The following RGS7 variants were observed in gnomAD, a reference collection of about 807,000 sequenced individuals.
RGS7 encodes regulator of G-protein signaling 7.
A neutral mutation model predicts 81.1 loss-of-function variants in RGS7; 27 were observed. That is an observed-to-expected ratio of 0.33 (90% CI 0.25 to 0.46). The LOEUF (loss-of-function observed/expected upper bound fraction) is 0.46, where lower values mean the gene tolerates loss of function less well. Among genes scored for constraint, RGS7 ranks in the 20% least tolerant of loss-of-function variants. The pLI, the probability that RGS7 is intolerant of heterozygous loss-of-function variation, is 1.00. For synonymous variants in RGS7, 208 were observed against 207.7 expected, an observed-to-expected ratio of 1.00 and a Z score of -0.01; for missense variants, 396 against 607.4, an observed-to-expected ratio of 0.65 and a Z score of 3.66.
intron 2 of RGS7, among the ~76,000 whole-genome samples, chr1:241,148,051 C>CTTTTTTTT (rs58632066): frequency 4.1e-4 from 45 of 108,504 alleles, no homozygotes; most frequent in Non-Finnish European, 5.5e-4. Flanking sequence ...TTTTCTTTTT[C>CTTTTTTTT]TTTTTTTTTT....
In RGS7 at chr1:240,935,068, G is replaced by T. The variant is rs1430497984; in HGVS notation, c.333+1532C>A. Among the ~76,000 whole-genome samples the T allele has an allele frequency of 6.2e-5, 9 of 145,754 alleles. No individual in the cohort carries two copies. In the South Asian group the frequency reaches 8.7e-4, roughly 14 times the overall value. On this transcript the variant is annotated intron_variant, in intron 5 of 18. Coordinates refer to ENST00000440928, the MANE Select transcript of RGS7 (RefSeq NM_001364886.1). ...AACACCCAGCTAATTTTTTTTGTTT[G>T]TTTTTTTTTTAGTAGAGATGAGGTT...
At chr1:240,880,764 G>C (rs1226308503) in intron 6 of RGS7, among the ~76,000 whole-genome samples, 2 of 152,280 alleles carry the variant, frequency 1.3e-5, no homozygotes, top group East Asian at 3.9e-4. Context: ...TCTCGAGAAA[G>C]TCTGACACCA....
chr1:240,893,239 C>G (rs1267786103), intron 6 of RGS7, among the ~76,000 whole-genome samples: 1 of 152,154 alleles, frequency 6.6e-6, no homozygotes, highest in East Asian at 1.9e-4. Context: ...AGAGTGTTAA[C>G]ATAGCCATAA....
intron 2 of RGS7, among the ~76,000 whole-genome samples, chr1:241,313,294 G>T (rs2080663811): frequency 6.6e-6 from 1 of 152,242 alleles, no homozygotes; most frequent in Admixed American, 6.5e-5. Context: ...GTTGGAAAAA[G>T]ATGCCATTTA....
chr1:240,960,232 T>TTTTTG (rs71172665), intron 4 of RGS7, among the ~76,000 whole-genome samples: 33 of 70,230 alleles, frequency 4.7e-4, no homozygotes, highest in African/African-American at 1.3e-3. Flanking sequence ...TTTTTTTTTT[T>TTTTTG]TTGTTGTTGT....
At chr1:241,186,211 GACTC>G (rs987319515) in intron 2 of RGS7, among the ~76,000 whole-genome samples, 2 of 152,012 alleles carry the variant, frequency 1.3e-5, no homozygotes, top group Admixed American at 1.3e-4. Flanking sequence ...ACCACACTCT[GACTC>G]ACTCAAAAAC....
At chr1:240,854,956 C>T (rs1412075633) in intron 9 of RGS7, among the ~76,000 whole-genome samples, 1 of 152,096 alleles carries the variant, frequency 6.6e-6, no homozygotes, top group Admixed American at 6.6e-5. Context: ...AGAAGCATGC[C>T]TACCTTCATC....
At chr1:241,069,723 T>G (rs2062314427) in intron 3 of RGS7, among the ~76,000 whole-genome samples, 1 of 152,160 alleles carries the variant, frequency 6.6e-6, no homozygotes, top group South Asian at 2.1e-4. Context: ...CCCTAGTCCT[T>G]CACTGACATA....
chr1:241,233,283 T>C (rs894448068), intron 2 of RGS7, among the ~76,000 whole-genome samples: 2 of 152,230 alleles, frequency 1.3e-5, no homozygotes, highest in African/African-American at 2.4e-5. Flanking sequence ...AATCAGCTAA[T>C]ATTAACTCTA....
At chr1:240,851,084 G>A (rs751288130) in intron 9 of RGS7, among the ~76,000 whole-genome samples, 29 of 152,170 alleles carry the variant, frequency 1.9e-4, no homozygotes, top group Non-Finnish European at 3.4e-4. Context: ...GTAGACAAAA[G>A]AGCTTTCTAC....
At chr1:241,239,202 C>T (rs947525505) in intron 2 of RGS7, among the ~76,000 whole-genome samples, 4 of 151,738 alleles carry the variant, frequency 2.6e-5, no homozygotes, top group Admixed American at 2.6e-4. Context: ...CTCCGGACCT[C>T]GTGACCTGCC....
At chr1:241,016,508 C>T (rs1343540252) in intron 3 of RGS7, among the ~76,000 whole-genome samples, 4 of 151,698 alleles carry the variant, frequency 2.6e-5, no homozygotes, top group Non-Finnish European at 5.9e-5. Context: ...AAGAGTGAGA[C>T]TCAATCTCAA....
At chr1:240,967,120 G>A (rs530638650) in intron 4 of RGS7, among the ~76,000 whole-genome samples, 1 of 152,288 alleles carries the variant, frequency 6.6e-6, no homozygotes, top group Admixed American at 6.5e-5. Context: ...GGTGGTGTTT[G>A]TCATGTCAAG....
chr1:240,964,172 G>A (rs1344990123), intron 4 of RGS7, among the ~76,000 whole-genome samples: 1 of 152,226 alleles, frequency 6.6e-6, no homozygotes, highest in Non-Finnish European at 1.5e-5. Context: ...TAAAACATTA[G>A]AGACATTTCC....
chr1:240,952,154 A>AAAT (rs1371536596), intron 4 of RGS7, among the ~76,000 whole-genome samples: 1 of 152,164 alleles, frequency 6.6e-6, no homozygotes, highest in Non-Finnish European at 1.5e-5. Context: ...CACAGAGAAC[A>AAAT]AATAATAATA....
At chr1:241,017,076 T>G (rs2059288863) in intron 3 of RGS7, among the ~76,000 whole-genome samples, 2 of 152,340 alleles carry the variant, frequency 1.3e-5, no homozygotes, top group South Asian at 4.1e-4. Flanking sequence ...AACTCTGTAC[T>G]CGTTTATTAC....
chr1:241,262,469 T>C (rs1452963416), intron 2 of RGS7, among the ~76,000 whole-genome samples: 6 of 152,196 alleles, frequency 3.9e-5, no homozygotes, highest in Admixed American at 3.9e-4. Flanking sequence ...ACAATCTCAA[T>C]AAGCCTCATG....
At chr1:240,909,500 C>T (rs889066413) in intron 6 of RGS7, among the ~76,000 whole-genome samples, 2 of 152,056 alleles carry the variant, frequency 1.3e-5, no homozygotes, top group African/African-American at 4.8e-5. Flanking sequence ...ATAACACAGC[C>T]ATGGAATCTT....
chr1:241,299,246 G>A (rs2079595376), intron 2 of RGS7, among the ~76,000 whole-genome samples: 1 of 151,976 alleles, frequency 6.6e-6, no homozygotes, highest in Non-Finnish European at 1.5e-5. Flanking sequence ...GACATTTCTA[G>A]GCTTGCTAAT....
Sources: gnomAD v4.1 joint callset for allele counts (sites outside exome capture counted in the v4.1 genomes callset) on GRCh38, gnomAD v4.1.1 for gene constraint, MANE v1.5 for transcripts, NCBI Gene and HGNC (gene_info 2026-07-23, HGNC 2026-07-21) for gene names.